The following ATRNL1 variants were observed in gnomAD, a reference collection of about 807,000 sequenced individuals.
ATRNL1 encodes attractin-like protein 1.
A neutral mutation model predicts 182.7 loss-of-function variants in ATRNL1; 95 were observed. That is an observed-to-expected ratio of 0.52 (90% CI 0.44 to 0.62). ATRNL1 has a LOEUF of 0.62. Ranked by LOEUF, ATRNL1 falls within the 20% of genes least tolerant of loss-of-function variation. The pLI is 0.00. For synonymous variants in ATRNL1, 576 were observed against 568.3 expected, an observed-to-expected ratio of 1.01 and a Z score of -0.19; for missense variants, 1,471 against 1,679.5, an observed-to-expected ratio of 0.88 and a Z score of 2.17.
At chr10:115,553,735 C>A (rs1212961791) in intron 26 of ATRNL1, among the ~76,000 whole-genome samples, 2 of 151,400 alleles carry the variant, frequency 1.3e-5, no homozygotes, top group Admixed American at 6.6e-5. Flanking sequence ...TACATTAGTT[C>A]TTTCCTTCTA....
intron 28 of ATRNL1, among the ~76,000 whole-genome samples, chr10:115,865,990 T>G (rs185038644): frequency 1.7e-3 from 255 of 152,350 alleles, no homozygotes; most frequent in African/African-American, 6.0e-3. Flanking sequence ...TTTTCTCTAA[T>G]TCTGCCTATC....
intron 15 of ATRNL1, among the ~76,000 whole-genome samples, chr10:115,294,786 G>A (rs1406690074): frequency 2.0e-5 from 3 of 152,142 alleles, no homozygotes; most frequent in Admixed American, 2.0e-4. Flanking sequence ...TTGGTTCTAG[G>A]TAGATGAAGT....
chr10:115,105,696 C>T (rs1011160641), intron 1 of ATRNL1, among the ~76,000 whole-genome samples: 10 of 152,214 alleles, frequency 6.6e-5, no homozygotes, highest in Admixed American at 2.0e-4. Flanking sequence ...CAAGGTGCAG[C>T]TCAGGCTGTG....
intron 18 of ATRNL1, among the ~76,000 whole-genome samples, chr10:115,332,970 A>G (rs1405558402): frequency 1.3e-5 from 2 of 152,178 alleles, no homozygotes; most frequent in Non-Finnish European, 2.9e-5. Context: ...TGTTTTGAAG[A>G]TTAAATAATA....
Position 115,469,279 on chromosome 10 carries a change from A to T in ATRNL1, c.3604A>T (p.Ile1202Phe). 1 of 1,538,890 alleles carries T rather than the reference A, an allele frequency of 6.5e-7. No homozygotes were observed. Among genetic ancestry groups the T allele is most frequent in the Non-Finnish European group, 8.7e-7 (1 of 1,144,934 alleles). The change falls in exon 24 of 29, where the codon ATT (isoleucine) becomes TTT (phenylalanine). Residue 1202 changes from isoleucine (I) to phenylalanine (F), a missense_variant. Physicochemically the swap from Ile to Phe is conservative, Grantham distance 21. This residue lies in a region of ATRNL1 where 437 missense variants were observed against 506.0 expected (regional missense o/e 0.86). Transcript: ENST00000355044. ...ATTTAACTTTAGAAGCAATCCTAACATTACATTCTATGTGTACGTCAGCAA... is the reference window on the plus strand; with the variant it reads ...ATTTAACTTTAGAAGCAATCCTAACTTTACATTCTATGTGTACGTCAGCAA... ...EKFNFRSNPNITFYVYVSNFS... is the reference protein window; with the variant it reads ...EKFNFRSNPNFTFYVYVSNFS...
chr10:115,828,337 GAA>G (rs1555092627), intron 27 of ATRNL1, among the ~76,000 whole-genome samples: 4 of 151,622 alleles, frequency 2.6e-5, no homozygotes, highest in African/African-American at 9.7e-5. Flanking sequence ...GAAAAGAAAA[GAA>G]AAGAAAAGAA....
intron 27 of ATRNL1, 28 bp downstream of exon 27, chr10:115,727,383 C>A (rs1486590477): frequency 1.0e-5 from 16 of 1,542,568 alleles, no homozygotes; most frequent in Non-Finnish European, 1.3e-5. Flanking sequence ...GAAAGAGGAC[C>A]ACTGTGCTTT....
At chr10:115,097,657 G>A (rs2085048947) in intron 1 of ATRNL1, among the ~76,000 whole-genome samples, 2 of 152,174 alleles carry the variant, frequency 1.3e-5, no homozygotes, top group African/African-American at 2.4e-5. Flanking sequence ...CTGGCTTGGT[G>A]TCTCACGCCT....
intron 26 of ATRNL1, among the ~76,000 whole-genome samples, chr10:115,553,141 A>G (rs1853097496): frequency 6.6e-6 from 1 of 151,356 alleles, no homozygotes; most frequent in Admixed American, 6.6e-5. Flanking sequence ...GTTCCCTGCA[A>G]TGAAGATATT....
chr10:115,859,287 A>G (rs1951256284), intron 28 of ATRNL1, among the ~76,000 whole-genome samples: 1 of 152,110 alleles, frequency 6.6e-6, no homozygotes, highest in African/African-American at 2.4e-5. Flanking sequence ...TCTGAGTCTC[A>G]GAATGACTAG....
chr10:115,315,428 T>C lies in ATRNL1; in HGVS notation c.2819-90T>C, dbSNP rs535586898. ...ACTATAGATGACCTTTCATGGTTTTTATCATGATCATATTTATTTTTTATT... is the reference window on the plus strand; with the variant it reads ...ACTATAGATGACCTTTCATGGTTTTCATCATGATCATATTTATTTTTTATT... On this transcript the variant is annotated intron_variant, in intron 17 of 28. Coordinates refer to ENST00000355044, the MANE Select transcript of ATRNL1 (RefSeq NM_207303.4). The C allele has an allele frequency of 1.7e-4, 161 of 968,560 alleles. No individual in the cohort carries two copies. In the African/African-American group the frequency reaches 2.5e-3, roughly 15 times the overall value. The allele number at this position is 968,560 out of a possible 1,614,324, so 60.0% of individuals were successfully genotyped here.
At chr10:115,461,895 G>C (rs1847815047) in intron 21 of ATRNL1, 46 bp from the exon 22 acceptor site, 7 of 1,422,598 alleles carry the variant, frequency 4.9e-6, no homozygotes, top group Non-Finnish European at 6.8e-6. Context: ...TTTTTAGACA[G>C]TTTTTAAAGT....
At chr10:115,406,664 T>G (rs1844845087) in intron 20 of ATRNL1, among the ~76,000 whole-genome samples, 1 of 152,136 alleles carries the variant, frequency 6.6e-6, no homozygotes, top group Non-Finnish European at 1.5e-5. Flanking sequence ...ACCGGTGGAA[T>G]TTTCTCTTTT....
intron 5 of ATRNL1, among the ~76,000 whole-genome samples, chr10:115,153,906 G>GGTATGT (rs1846371964): frequency 6.7e-6 from 1 of 148,752 alleles, no homozygotes; most frequent in Non-Finnish European, 1.5e-5. Flanking sequence ...CCCAGAGATT[G>GGTATGT]TGTGTCTTTG....
intron 28 of ATRNL1, among the ~76,000 whole-genome samples, chr10:115,883,267 A>C (rs1240116351): frequency 2.6e-5 from 4 of 151,878 alleles, no homozygotes; most frequent in African/African-American, 9.7e-5. Context: ...TATCCTTCCC[A>C]CTCCATCTAA....
intron 26 of ATRNL1, among the ~76,000 whole-genome samples, chr10:115,588,355 G>A (rs12259535): frequency 0.48 from 72,244 of 151,772 alleles, 18,632 homozygotes; most frequent in East Asian, 0.84. Context: ...TTAGAGTGTT[G>A]GCAGATAGAG....
intron 8 of ATRNL1, among the ~76,000 whole-genome samples, chr10:115,177,046 C>G (rs187639834): frequency 2.7e-4 from 41 of 151,848 alleles, no homozygotes. Flanking sequence ...CTATAGGGTC[C>G]CCGAATAATA....
At chr10:115,798,294 C>T (rs1350300416) in intron 27 of ATRNL1, among the ~76,000 whole-genome samples, 3 of 152,162 alleles carry the variant, frequency 2.0e-5, no homozygotes, top group Admixed American at 6.6e-5. Context: ...ATTTGTTCCA[C>T]CTTCTCTTTT....
At chr10:115,685,382 G>A (rs901879473) in intron 26 of ATRNL1, among the ~76,000 whole-genome samples, 16 of 151,594 alleles carry the variant, frequency 1.1e-4, no homozygotes, top group African/African-American at 3.9e-4. Context: ...CTATACAATG[G>A]AGATATCAAT....
Sources: gnomAD v4.1 joint callset for allele counts (sites outside exome capture counted in the v4.1 genomes callset) on GRCh38, gnomAD v4.1.1 for gene constraint, gnomAD v4.1.1 regional missense constraint, MANE v1.5 for transcripts, NCBI Gene and HGNC (gene_info 2026-07-23, HGNC 2026-07-21) for gene names.